XKRX: variants seen among roughly 807,000 people sequenced by gnomAD.
XKRX encodes XK-related protein 2.
A neutral mutation model predicts 22.4 loss-of-function variants in XKRX; 11 were observed. That is an observed-to-expected ratio of 0.49 (90% CI 0.31 to 0.81). The LOEUF is 0.81. Ranked by LOEUF, XKRX falls within the 40% of genes least tolerant of loss-of-function variation. XKRX has a pLI of 0.05. For missense variants in XKRX, 320 were observed against 336.5 expected (o/e 0.95, Z 0.38); for synonymous variants, 114 against 132.2 (o/e 0.86, Z 0.94).
chrX:100,956,259 A>G, the XKRX span, among the ~76,000 whole-genome samples: 14 of 111,705 alleles, frequency 1.3e-4, no homozygotes, highest in African/African-American at 4.6e-4. Flanking sequence ...GCTGGGCTTA[A>G]TACCTAGGTG....
the XKRX span, among the ~76,000 whole-genome samples, chrX:100,946,544 G>C: frequency 9.0e-6 from 1 of 111,727 alleles, no homozygotes; most frequent in Non-Finnish European, 1.9e-5. Context: ...GCAGGGTGTA[G>C]GAAAACCAGC....
At chrX:100,934,756 A>G in the XKRX span, among the ~76,000 whole-genome samples, 1 of 112,205 alleles carries the variant, frequency 8.9e-6, no homozygotes, top group Non-Finnish European at 1.9e-5. Context: ...GCTAGATCAT[A>G]TGGTAACTAT....
At chrX:100,936,540 CAAAAAAAAAAAAA>C in the XKRX span, among the ~76,000 whole-genome samples, 1 of 25,400 alleles carries the variant, frequency 3.9e-5, no homozygotes, top group African/African-American at 1.2e-4. Context: ...GACTCTGTCT[CAAAAAAAAAAAAA>C]AAAAAAAAAA....
At chrX:100,891,138 ATC>A in the XKRX span, among the ~76,000 whole-genome samples, 1 of 111,804 alleles carries the variant, frequency 8.9e-6, no homozygotes, top group African/African-American at 3.3e-5. Flanking sequence ...TGTTGCAAAT[ATC>A]TCATAAGATC....
Position 100,922,933 on chromosome X carries a change from C to T in XKRX, c.464G>A (p.Gly155Asp), listed in dbSNP as rs748087864. ...GEEVLIEWEV[G>D]HSIRTLAMHR... ...CATAGCCAGGGTCCGGATGGAGTGG[C>T]CCACCTCCCATTCTATCAGCACCTC... The change falls in exon 2 of 3, where the codon GGC becomes GAC. Residue 155 changes from glycine to aspartate, a missense_variant. Coordinates refer to ENST00000372956, the MANE Select transcript of XKRX (RefSeq NM_212559.3). 3.2e-5 allele frequency: 39 copies of T among 1,209,428 alleles called. 1 individual carries two copies. The Middle Eastern group carries it at 4.3e-3, about 135-fold the overall frequency.
the XKRX span, among the ~76,000 whole-genome samples, chrX:100,936,734 G>A: frequency 9.2e-6 from 1 of 108,954 alleles, no homozygotes; most frequent in Non-Finnish European, 1.9e-5. Flanking sequence ...GGGGAAGCAG[G>A]CACCTTCATC....
At chrX:100,894,208 A>G in the XKRX span, among the ~76,000 whole-genome samples, 1 of 111,758 alleles carries the variant, frequency 8.9e-6, no homozygotes, top group East Asian at 2.8e-4. Flanking sequence ...GGGAGGTTGT[A>G]GTGAGCCAAG....
chrX:100,888,220 A>G, the XKRX span: 4 of 946,109 alleles, frequency 4.2e-6, no homozygotes, highest in South Asian at 5.8e-5. Context: ...GCTGTTCAAA[A>G]TAATCTCTTA....
upstream of XKRX, among the ~76,000 whole-genome samples, chrX:100,933,863 T>G (rs751063955): frequency 8.9e-6 from 1 of 111,802 alleles, no homozygotes; most frequent in African/African-American, 3.2e-5. Context: ...ATTATTTAAT[T>G]TTTTAAATAA....
At chrX:100,931,222 A>G (rs1367859835), upstream of XKRX, among the ~76,000 whole-genome samples, 4 of 110,261 alleles carry the variant, frequency 3.6e-5, no homozygotes, top group African/African-American at 1.3e-4. Flanking sequence ...TTTACCTTTT[A>G]GCCTTTCCTC....
chrX:100,928,082 TAA>T lies in XKRX; in HGVS notation c.221_222del (p.Phe74TyrfsTer22). On this transcript the variant is annotated frameshift_variant, in exon 1 of 3. Transcript: ENST00000372956. LOFTEE classifies it high-confidence loss of function. ...TYWMTYTFSF[F>X]MFSSIMVQLT... ...AACTGGACCATAATGGATGAAAACA[TAA>T]AGAAAGAAAAGGTGTATGTCATCCA... is the stretch of plus-strand genomic sequence containing the variant. 8.3e-7 allele frequency: 1 copy of T among 1,211,510 alleles called. No individual in the cohort carries two copies. Among genetic ancestry groups the T allele is most frequent in the Non-Finnish European group, 1.1e-6 (1 of 895,432 alleles).
At chrX:100,953,917 A>T in the XKRX span, among the ~76,000 whole-genome samples, 544 of 108,542 alleles carry the variant, frequency 5.0e-3, 3 homozygotes, top group African/African-American at 0.018. Flanking sequence ...AAAAAAAAAA[A>T]AAAAAAAAAA....
At chrX:100,957,564 T>G in the XKRX span, 1 of 952,783 alleles carries the variant, frequency 1.0e-6, no homozygotes, top group African/African-American at 1.9e-5. Flanking sequence ...CGTTACTGTG[T>G]GAACCGCAAA....
chrX:100,951,934 C>T, the XKRX span, among the ~76,000 whole-genome samples: 2 of 110,557 alleles, frequency 1.8e-5, no homozygotes, highest in Admixed American at 1.9e-4. Flanking sequence ...ATCTCCAGGC[C>T]CAGATGGTTT....
rs2085418561 is a variant in XKRX at position 100,914,106 on chromosome X, G to A, written c.*232C>T. The A allele has an allele frequency of 4.9e-6, 2 of 407,573 alleles. No individual in the cohort carries two copies. Among genetic ancestry groups the A allele is most frequent in the South Asian group, 4.9e-5 (1 of 20,388 alleles). The allele number at this position is 407,573 out of a possible 1,213,427, so 33.6% of individuals were successfully genotyped here. A position where few individuals can be genotyped will look rare whatever the true frequency, so the allele number is the denominator to read the frequency against. On this transcript the variant is annotated 3_prime_UTR_variant, in exon 3 of 3. Coordinates refer to ENST00000372956, the MANE Select transcript of XKRX (RefSeq NM_212559.3). ...TGACTTGGGTAAGAAGGGTGTGAAT[G>A]GTATTTCTGACCCTTTCAACTATAT...
the XKRX span, among the ~76,000 whole-genome samples, chrX:100,904,763 C>A: frequency 9.0e-6 from 1 of 111,686 alleles, no homozygotes; most frequent in African/African-American, 3.3e-5. Flanking sequence ...GTGAGCCAAT[C>A]CGATGGAGAA....
the XKRX span, among the ~76,000 whole-genome samples, chrX:100,955,480 C>T: frequency 1.8e-5 from 2 of 111,388 alleles, no homozygotes; most frequent in African/African-American, 6.5e-5. Context: ...CAAGACCAGC[C>T]TGGCCAACAT....
the XKRX span, among the ~76,000 whole-genome samples, chrX:100,944,031 G>C: frequency 6.3e-5 from 7 of 111,856 alleles, no homozygotes; most frequent in Non-Finnish European, 1.3e-4. Context: ...CAGAGCAGTT[G>C]TACCAATTTA....
chrX:100,920,477 T>C (rs996864850), intron 2 of XKRX, among the ~76,000 whole-genome samples: 1 of 111,131 alleles, frequency 9.0e-6, no homozygotes, highest in Admixed American at 9.6e-5. Context: ...AGAGGTTATC[T>C]TTGGGGAGTG....
Sources: allele counts gnomAD v4.1 joint callset (sites outside exome capture counted in the v4.1 genomes callset), GRCh38; gene constraint gnomAD v4.1.1; transcripts MANE v1.5; gene names NCBI Gene and HGNC (gene_info 2026-07-23, HGNC 2026-07-21).